Variants in PIK3AP1 observed in about 807,000 individuals in gnomAD.
PIK3AP1 encodes the protein phosphoinositide 3-kinase adapter protein 1.
PIK3AP1 carries 21 observed loss-of-function variants against 88.1 expected under a neutral mutation model. The observed-to-expected ratio is 0.24, with a 90% CI of 0.17 to 0.34. The LOEUF (loss-of-function observed/expected upper bound fraction) is 0.34, where lower values mean the gene tolerates loss of function less well. Ranked by LOEUF, PIK3AP1 falls within the 10% of genes least tolerant of loss-of-function variation. The pLI, the probability that PIK3AP1 is intolerant of heterozygous loss-of-function variation, is 1.00. For missense variants in PIK3AP1, 828 were observed against 1,035.7 expected, an observed-to-expected ratio of 0.80 and a Z score of 2.75; for synonymous variants, 398 against 400.0, an observed-to-expected ratio of 1.00 and a Z score of 0.06.
chr10:96,667,543 G>C (rs1387848255), intron 2 of PIK3AP1, among the ~76,000 whole-genome samples: 1 of 152,150 alleles, frequency 6.6e-6, no homozygotes, highest in Admixed American at 6.5e-5. Context: ...AAGTCACCCA[G>C]TGTGTGCTGT....
intron 2 of PIK3AP1, among the ~76,000 whole-genome samples, chr10:96,669,198 G>A: frequency 6.6e-6 from 1 of 152,118 alleles, no homozygotes; most frequent in Non-Finnish European, 1.5e-5. Flanking sequence ...AAGGTCTGGA[G>A]AAACTTCCAG....
rs546529785 is a variant in PIK3AP1 at position 96,599,443 on chromosome 10, A to G, written c.2360+2837T>C. Among the ~76,000 whole-genome samples the G allele has an allele frequency of 2.2e-4, 34 of 152,294 alleles. 1 individual carries two copies. The South Asian group carries it at 6.8e-3, about 31-fold the overall frequency. ...TTGGGGTCTTTGTCTGCTGGTGGCA[A>G]TTCAAGCTCTGGGATAGCATGTAGA... On this transcript the variant is annotated intron_variant, in intron 16 of 16. Transcript: ENST00000339364.
At chr10:96,620,813 C>G (rs1339674843) in intron 11 of PIK3AP1, 2 of 423,560 alleles carry the variant, frequency 4.7e-6, no homozygotes, top group African/African-American at 3.9e-5. Context: ...TCTCCCAAGT[C>G]TTAACTATTA....
At chr10:96,618,364 G>A (rs1268332046) in intron 12 of PIK3AP1, among the ~76,000 whole-genome samples, 1 of 152,176 alleles carries the variant, frequency 6.6e-6, no homozygotes, top group Non-Finnish European at 1.5e-5. Context: ...ACAATGGACT[G>A]GTACATACAG....
At chr10:96,597,250 C>T (rs1681834381) in intron 16 of PIK3AP1, among the ~76,000 whole-genome samples, 1 of 150,132 alleles carries the variant, frequency 6.7e-6, no homozygotes, top group African/African-American at 2.4e-5. Context: ...TCTCTGCCTT[C>T]TTTTTTTCTT....
intron 3 of PIK3AP1, among the ~76,000 whole-genome samples, chr10:96,655,091 T>C (rs1278403272): frequency 1.3e-5 from 2 of 152,208 alleles, no homozygotes; most frequent in Admixed American, 6.5e-5. Context: ...AGTCTCACCA[T>C]GTTGCCCAGG....
intron 16 of PIK3AP1, among the ~76,000 whole-genome samples, chr10:96,601,567 A>AG (rs1270179072): frequency 1.3e-5 from 2 of 150,812 alleles, no homozygotes; most frequent in South Asian, 2.1e-4. Context: ...GACCCCAGGT[A>AG]GGGGGGCTCT....
intron 12 of PIK3AP1, among the ~76,000 whole-genome samples, chr10:96,617,487 G>A (rs1271220160): frequency 2.0e-5 from 3 of 152,186 alleles, no homozygotes; most frequent in Non-Finnish European, 2.9e-5. Context: ...AGACTCACCT[G>A]TGTCCAGGAG....
chr10:96,602,129 C>T (rs940599443), intron 16 of PIK3AP1, 151 bp downstream of exon 16: 22 of 572,436 alleles, frequency 3.8e-5, no homozygotes, highest in Admixed American at 2.1e-4. Flanking sequence ...GTGATCCGCC[C>T]GCCTTGGCCT....
Position 96,628,502 on chromosome 10 carries a change from A to G in PIK3AP1, c.1376-9T>C. On this transcript the variant is annotated splice_polypyrimidine_tract_variant and intron_variant, in intron 8 of 16. Transcript: ENST00000339364. Reference sequence around the variant, plus strand: ...CTGAAGCATTTCAACATCTAGAAGGAAAAGGAGACTAAGAGTTATATATTG... The same window carrying G: ...CTGAAGCATTTCAACATCTAGAAGGGAAAGGAGACTAAGAGTTATATATTG... 6.3e-7 allele frequency: 1 copy of G among 1,593,384 alleles called. No homozygotes were observed. Among genetic ancestry groups the G allele is most frequent in the Non-Finnish European group, 8.6e-7 (1 of 1,161,178 alleles).
intron 2 of PIK3AP1, among the ~76,000 whole-genome samples, chr10:96,697,993 C>T (rs1211903925): frequency 6.6e-6 from 1 of 152,146 alleles, no homozygotes; most frequent in African/African-American, 2.4e-5. Flanking sequence ...CTTTCCATAT[C>T]AACACAAAGA....
rs145095557 is a variant in PIK3AP1 at position 96,664,638 on chromosome 10, A to G, written c.431-7704T>C. On this transcript the variant is annotated intron_variant, in intron 2 of 16. Coordinates refer to ENST00000339364, the MANE Select transcript of PIK3AP1 (RefSeq NM_152309.3). ...TGACACAAATGAGATTGATGCTAATAGTGCGGCACTTGGCAGATATTTCCC... is the reference window on the plus strand; with the variant it reads ...TGACACAAATGAGATTGATGCTAATGGTGCGGCACTTGGCAGATATTTCCC... Among the ~76,000 whole-genome samples, 5 of 152,352 alleles carry G rather than the reference A, an allele frequency of 3.3e-5. No individual in the cohort carries two copies. In the East Asian group the frequency reaches 9.6e-4, roughly 29 times the overall value.
intron 11 of PIK3AP1, chr10:96,621,585 C>A (rs1843084676): frequency 6.6e-6 from 1 of 152,302 alleles, no homozygotes; most frequent in Admixed American, 6.5e-5. Flanking sequence ...AGCTCCAGAG[C>A]CTTGGCCCCA....
chr10:96,609,767 A>C lies in PIK3AP1; in HGVS notation c.2115T>G (p.Pro705=). 6.2e-7 allele frequency: 1 copy of C among 1,614,082 alleles called. No individual in the cohort carries two copies. Among genetic ancestry groups the C allele is most frequent in the Non-Finnish European group, 8.5e-7 (1 of 1,179,978 alleles). ...ESGPRKSVIP[P]RTELRRGDWK... is the part of the protein sequence containing the mutation. ...AGTCTCCTCGTCTCAGCTCCGTCCTAGGGGGAATGACACTTTTCCTGGGGC... is the reference window on the plus strand; with the variant it reads ...AGTCTCCTCGTCTCAGCTCCGTCCTCGGGGGAATGACACTTTTCCTGGGGC... The change falls in exon 14 of 17, where the codon CCT becomes CCG. Residue 705 remains proline (P), a synonymous_variant. Transcript: ENST00000339364.
intron 13 of PIK3AP1, among the ~76,000 whole-genome samples, chr10:96,612,969 TATATATATATATA>T (rs1283832654): frequency 8.5e-6 from 1 of 118,026 alleles, no homozygotes; most frequent in African/African-American, 3.8e-5. Context: ...TATATATATA[TATATATATATATA>T]TTTTTTTTTT....
At chr10:96,691,679 C>T (rs935514830) in intron 2 of PIK3AP1, among the ~76,000 whole-genome samples, 10 of 152,148 alleles carry the variant, frequency 6.6e-5, no homozygotes, top group African/African-American at 2.2e-4. Context: ...GAATTACAGA[C>T]GTGCCAGGAT....
chr10:96,626,885 T>A lies in PIK3AP1; in HGVS notation c.1492A>T (p.Asn498Tyr). The part of the protein sequence containing the change: ...FLEGNSMGMT[N>Y]LERDQCHLGQ... The stretch of plus-strand genomic sequence containing the variant: ...AGATGGCACTGATCTCTCTCCAGAT[T>A]GGTCATTCCCATGCTGTTGCCTAGA... Residue 498 changes from asparagine to tyrosine, a missense_variant, in exon 10 of 17, where the codon AAT (asparagine) becomes TAT (tyrosine). Coordinates refer to ENST00000339364, the MANE Select transcript of PIK3AP1 (RefSeq NM_152309.3). The A allele has an allele frequency of 6.2e-7, 1 of 1,614,142 alleles. No individual in the cohort carries two copies. The highest frequency in any genetic ancestry group is 8.5e-7 in the Non-Finnish European group (1 of 1,179,934).
chr10:96,702,359 C>T (rs1039985630), intron 2 of PIK3AP1, among the ~76,000 whole-genome samples: 7 of 151,876 alleles, frequency 4.6e-5, no homozygotes, highest in African/African-American at 1.5e-4. Context: ...ATTAGCTGGG[C>T]GTGTTGGCAC....
chr10:96,652,549 G>T, intron 4 of PIK3AP1, 149 bp downstream of exon 4: 1 of 939,212 alleles, frequency 1.1e-6, no homozygotes, highest in South Asian at 1.4e-5. Flanking sequence ...CTCCAGCCTG[G>T]GAGACAGAGC....
Sources: gnomAD v4.1 joint callset for allele counts (sites outside exome capture counted in the v4.1 genomes callset) on GRCh38, gnomAD v4.1.1 for gene constraint, MANE v1.5 for transcripts, NCBI Gene and HGNC (gene_info 2026-07-23, HGNC 2026-07-21) for gene names.